The following PARD3 variants were observed in gnomAD, a reference collection of about 807,000 sequenced individuals.
PARD3 encodes par-3 family cell polarity regulator.
In PARD3, 75 loss-of-function variants were observed where a neutral mutation model predicts 155.4. The observed-to-expected ratio is 0.48, with a 90% CI of 0.40 to 0.58. The LOEUF (loss-of-function observed/expected upper bound fraction) is 0.58, where lower values mean the gene tolerates loss of function less well. Ranked by LOEUF, PARD3 falls within the 20% of genes least tolerant of loss-of-function variation. The pLI is 0.00. For missense variants in PARD3, 1,642 were observed against 1,721.7 expected (o/e 0.95, Z 0.82); for synonymous variants, 576 against 610.5 (o/e 0.94, Z 0.83).
chr10:34,793,338 A>G (rs1013163660), intron 1 of PARD3, among the ~76,000 whole-genome samples: 7 of 152,154 alleles, frequency 4.6e-5, no homozygotes, highest in African/African-American at 1.7e-4. Context: ...TGCCATGATC[A>G]GGGAGAGGGA....
chr10:34,178,364 G>A (rs2133174203), intron 22 of PARD3, among the ~76,000 whole-genome samples: 1 of 152,334 alleles, frequency 6.6e-6, no homozygotes, highest in Middle Eastern at 3.4e-3. Flanking sequence ...CAGGGATCAA[G>A]TCAGCTTGGT....
At chr10:34,245,509 G>T (rs765251754) in intron 22 of PARD3, among the ~76,000 whole-genome samples, 3 of 152,126 alleles carry the variant, frequency 2.0e-5, no homozygotes, top group African/African-American at 7.2e-5. Context: ...GATCAAGGGG[G>T]CTGAGACAGG....
intron 2 of PARD3, among the ~76,000 whole-genome samples, chr10:34,668,165 A>G (rs2093534970): frequency 6.6e-6 from 1 of 152,196 alleles, no homozygotes; most frequent in Non-Finnish European, 1.5e-5. Context: ...AACAACTACA[A>G]ATGAAAACCA....
At chr10:34,488,617 G>A (rs1225039782) in intron 3 of PARD3, 4 of 152,338 alleles carry the variant, frequency 2.6e-5, no homozygotes, top group African/African-American at 4.8e-5. Flanking sequence ...CCTGTGTCCT[G>A]GGGCTTCCTA....
Position 34,341,827 on chromosome 10 carries a change from A to G in PARD3, c.2219-11T>C, listed in dbSNP as rs1024571300. The G allele has an allele frequency of 9.1e-6, 14 of 1,540,060 alleles. No homozygotes were observed. Among genetic ancestry groups the G allele is most frequent in the Non-Finnish European group, 1.2e-5 (14 of 1,131,164 alleles). On this transcript the variant is annotated splice_polypyrimidine_tract_variant and intron_variant, in intron 15 of 24. Transcript: ENST00000374788. ...ACAGCTGGTATTTACCTGTCCAGTG[A>G]AAAAAGAAGAAGAGAAAATTCTAGA...
intron 23 of PARD3, among the ~76,000 whole-genome samples, chr10:34,120,713 G>A (rs1166247922): frequency 2.6e-5 from 4 of 152,202 alleles, no homozygotes; most frequent in East Asian, 3.9e-4. Context: ...AAAGCTACTC[G>A]CTACTTAAAT....
intron 22 of PARD3, among the ~76,000 whole-genome samples, chr10:34,242,074 T>C (rs1953637095): frequency 1.3e-5 from 2 of 152,228 alleles, no homozygotes; most frequent in East Asian, 1.9e-4. Flanking sequence ...TCAAGTATAC[T>C]CTACTTTCCA....
intron 15 of PARD3, among the ~76,000 whole-genome samples, chr10:34,342,799 T>G (rs528779399): frequency 1.3e-5 from 2 of 152,330 alleles, no homozygotes; most frequent in East Asian, 3.9e-4. Context: ...GCTGGGGATT[T>G]CAACTGCATT....
At chr10:34,239,479 C>A (rs1434617925) in intron 22 of PARD3, among the ~76,000 whole-genome samples, 1 of 152,152 alleles carries the variant, frequency 6.6e-6, no homozygotes, top group African/African-American at 2.4e-5. Context: ...CCCCTAAGAT[C>A]TTTCTGCTAA....
At chr10:34,492,112 G>A (rs1005584077) in intron 3 of PARD3, among the ~76,000 whole-genome samples, 2 of 152,100 alleles carry the variant, frequency 1.3e-5, no homozygotes, top group Non-Finnish European at 2.9e-5. Flanking sequence ...AATTAAGTAG[G>A]GATGGTGATC....
intron 19 of PARD3, among the ~76,000 whole-genome samples, chr10:34,319,871 C>T (rs963244908): frequency 1.3e-5 from 2 of 152,046 alleles, no homozygotes; most frequent in Non-Finnish European, 2.9e-5. Flanking sequence ...CAGAACAATT[C>T]CCAGAAGTTC....
chr10:34,694,749 A>G (rs1255716308), intron 2 of PARD3, among the ~76,000 whole-genome samples: 1 of 152,190 alleles, frequency 6.6e-6, no homozygotes, highest in African/African-American at 2.4e-5. Context: ...TTCCACCATG[A>G]CAGGTGCAAC....
intron 4 of PARD3, 84 bp from the exon 5 acceptor site, chr10:34,450,532 G>C: frequency 8.0e-7 from 1 of 1,249,402 alleles, no homozygotes; most frequent in Middle Eastern, 2.8e-4. Context: ...AAAAGTAGCA[G>C]AAAAATGATT....
intron 22 of PARD3, among the ~76,000 whole-genome samples, chr10:34,170,422 A>C (rs1274487): frequency 0.2 from 29,981 of 152,172 alleles, 3,850 homozygotes; most frequent in Non-Finnish European, 0.26. Context: ...CTATTAATTC[A>C]ATAACTTCAT....
In PARD3 at chr10:34,335,778, G is replaced by A. The variant is rs141262963; in HGVS notation, c.2605+421C>T. Reference sequence around the variant, plus strand: ...TCCTACAATGAAAAACATTTATATTGGCACTATTATCTTTCAAATCAAAAT... The same window carrying A: ...TCCTACAATGAAAAACATTTATATTAGCACTATTATCTTTCAAATCAAAAT... On this transcript the variant is annotated intron_variant, in intron 18 of 24. Transcript: ENST00000374788. Among the ~76,000 whole-genome samples, 372 of 152,116 alleles carry A rather than the reference G, an allele frequency of 2.4e-3. 1 individual carries two copies. Among genetic ancestry groups the A allele is most frequent in the Middle Eastern group, 0.024 (7 of 294 alleles).
At chr10:34,676,807 C>T (rs2093716470) in intron 2 of PARD3, among the ~76,000 whole-genome samples, 1 of 152,170 alleles carries the variant, frequency 6.6e-6, no homozygotes, top group East Asian at 1.9e-4. Flanking sequence ...CCACCACCCT[C>T]AGGTTCAAGC....
At chr10:34,276,543 CT>C (rs1185259284) in intron 21 of PARD3, among the ~76,000 whole-genome samples, 2 of 152,032 alleles carry the variant, frequency 1.3e-5, no homozygotes, top group African/African-American at 4.8e-5. Flanking sequence ...AGTATTTTTG[CT>C]TTTACAATAA....
At chr10:34,753,191 A>G (rs776379489) in intron 1 of PARD3, among the ~76,000 whole-genome samples, 3 of 152,318 alleles carry the variant, frequency 2.0e-5, no homozygotes, top group Non-Finnish European at 2.9e-5. Context: ...TTCTTCATAC[A>G]TGCCCACATG....
chr10:34,522,921 C>G (rs1421835229), intron 2 of PARD3, among the ~76,000 whole-genome samples: 5 of 152,236 alleles, frequency 3.3e-5, no homozygotes, highest in African/African-American at 2.4e-5. Flanking sequence ...TGCTCTGGAG[C>G]ATCTAACATA....
Sources: allele counts gnomAD v4.1 joint callset (sites outside exome capture counted in the v4.1 genomes callset), GRCh38; gene constraint gnomAD v4.1.1; transcripts MANE v1.5; gene names NCBI Gene and HGNC (gene_info 2026-07-23, HGNC 2026-07-21).